ATG4A: variants seen among roughly 807,000 people sequenced by gnomAD.
The protein encoded by ATG4A is autophagy related 4A cysteine peptidase.
Under a neutral mutation model 38.4 loss-of-function variants are expected in ATG4A, and 22 were observed. That is an observed-to-expected ratio of 0.57 (90% confidence interval 0.41 to 0.82). ATG4A has a LOEUF of 0.82. Among genes scored for constraint, ATG4A ranks in the 40% least tolerant of loss-of-function variants. The probability of loss-of-function intolerance (pLI) is 0.00; values close to 1 mark genes in which losing one functional copy is unlikely to be tolerated. For synonymous variants in ATG4A, 86 were observed against 100.7 expected (o/e 0.85, Z 0.88); for missense variants, 220 against 290.0 (o/e 0.76, Z 1.75).
chrX:108,137,138 C>T lies in ATG4A; in HGVS notation c.515C>T (p.Ser172Leu). Reference sequence around the variant, plus strand: ...TGGAATTCCTTGGCTGTTTATGTTTCAATGGATAACACAGTGGTCATTGAA... The same window carrying T: ...TGGAATTCCTTGGCTGTTTATGTTTTAATGGATAACACAGTGGTCATTGAA... ...DEWNSLAVYV[S>L]MDNTVVIEDI... Residue 172 changes from serine (S) to leucine (L), a missense_variant, in exon 7 of 13, where the codon TCA becomes TTA. Physicochemically the swap from Ser to Leu is moderately radical, Grantham distance 145. Transcript: ENST00000372232. The T allele has an allele frequency of 8.3e-7, 1 of 1,207,669 alleles. No homozygotes were observed. The highest frequency in any genetic ancestry group is 1.1e-6 in the Non-Finnish European group (1 of 892,931).
chrX:108,138,234 G>C, intron 9 of ATG4A, 43 bp downstream of exon 9: 2 of 1,121,000 alleles, frequency 1.8e-6, no homozygotes, highest in Non-Finnish European at 2.5e-6. Context: ...TGGGCTAGGG[G>C]AGGGCGTGGG....
intron 1 of ATG4A, among the ~76,000 whole-genome samples, chrX:108,113,550 G>T (rs1049880226): frequency 9.0e-6 from 1 of 111,175 alleles, no homozygotes; most frequent in African/African-American, 3.3e-5. Flanking sequence ...GGGGACTATG[G>T]CACTATGCAT....
intron 1 of ATG4A, among the ~76,000 whole-genome samples, chrX:108,121,590 T>G (rs1203274394): frequency 9.0e-6 from 1 of 111,539 alleles, no homozygotes; most frequent in African/African-American, 3.3e-5. Flanking sequence ...CCCTTACCAC[T>G]TATATCTTAT....
upstream of ATG4A, among the ~76,000 whole-genome samples, chrX:108,089,787 G>A (rs1244285929): frequency 9.0e-6 from 1 of 110,853 alleles, no homozygotes; most frequent in African/African-American, 3.3e-5. Flanking sequence ...GAGGTGATAC[G>A]GCACCACTGC....
intron 9 of ATG4A, among the ~76,000 whole-genome samples, chrX:108,139,215 A>G (rs1039543018): frequency 8.9e-6 from 1 of 111,802 alleles, no homozygotes; most frequent in African/African-American, 3.3e-5. Flanking sequence ...TGGGATGGGA[A>G]CAGACACACG....
chrX:108,093,587 G>A (rs2147948645), intron 1 of ATG4A, among the ~76,000 whole-genome samples: 1 of 111,805 alleles, frequency 8.9e-6, no homozygotes, highest in South Asian at 3.8e-4. Context: ...ATACTTAAGG[G>A]TGGAGTTACT....
At position 108,103,996 on chromosome X, in the gene ATG4A, G is replaced by A. The variant is rs1212260361; in HGVS notation, c.10+12160G>A. On this transcript the variant is annotated intron_variant, in intron 1 of 12. Coordinates refer to ENST00000372232, the MANE Select transcript of ATG4A (RefSeq NM_052936.5). ...CGAGTAGCTGGGATTATAGGTGCCC[G>A]ACACCATGGCTGGCTAATTTCTGTA... Among the ~76,000 whole-genome samples the A allele has an allele frequency of 2.7e-5, 3 of 111,388 alleles. No homozygotes were observed. The East Asian group carries it at 8.5e-4, about 31-fold the overall frequency.
At position 108,153,637 on chromosome X, in the gene ATG4A, G is replaced by C. The variant is rs763236126; in HGVS notation, c.1127-5G>C. 8.3e-6 allele frequency: 10 copies of C among 1,198,061 alleles called. No individual in the cohort carries two copies. The South Asian group carries it at 1.8e-4, about 21-fold the overall frequency. On this transcript the variant is annotated splice_region_variant and splice_polypyrimidine_tract_variant and intron_variant, in intron 12 of 12. Coordinates refer to ENST00000372232, the MANE Select transcript of ATG4A (RefSeq NM_052936.5). ...TTCTTCTTTCTCATTTCCGTATTCTGATAGAATTCATTGACTCTACTGAGC... is the reference window on the plus strand; with the variant it reads ...TTCTTCTTTCTCATTTCCGTATTCTCATAGAATTCATTGACTCTACTGAGC...
chrX:108,125,814 G>C (rs1451200511), intron 1 of ATG4A, among the ~76,000 whole-genome samples: 1 of 112,090 alleles, frequency 8.9e-6, no homozygotes, highest in African/African-American at 3.2e-5. Context: ...ATGTTTTGAA[G>C]TAACTGTGGC....
At chrX:108,117,373 A>G (rs1213179213) in intron 1 of ATG4A, among the ~76,000 whole-genome samples, 1 of 111,745 alleles carries the variant, frequency 8.9e-6, no homozygotes, top group African/African-American at 3.3e-5. Context: ...TAAAGGAGGT[A>G]TAAATTAAGG....
intron 1 of ATG4A, among the ~76,000 whole-genome samples, chrX:108,113,248 C>T (rs1170616411): frequency 8.9e-6 from 1 of 111,849 alleles, no homozygotes; most frequent in Admixed American, 9.5e-5. Context: ...CAGCGCTCTC[C>T]AATTGGAGGT....
intron 4 of ATG4A, among the ~76,000 whole-genome samples, chrX:108,132,665 T>TGTCCA (rs1483777472): frequency 5.4e-5 from 6 of 111,050 alleles, no homozygotes; most frequent in Middle Eastern, 9.3e-3. Flanking sequence ...TCCAACTCCT[T>TGTCCA]GTCCAGTGAT....
intron 9 of ATG4A, among the ~76,000 whole-genome samples, chrX:108,148,869 C>T (rs1378730547): frequency 8.9e-6 from 1 of 112,050 alleles, no homozygotes; most frequent in African/African-American, 3.2e-5. Context: ...CTTAAACATG[C>T]ATTTGTAGGA....
At chrX:108,149,054 G>A (rs2033512755) in intron 9 of ATG4A, among the ~76,000 whole-genome samples, 1 of 112,743 alleles carries the variant, frequency 8.9e-6, no homozygotes, top group Non-Finnish European at 1.9e-5. Context: ...TGAATTAAGT[G>A]GTTTGTCCTT....
At chrX:108,089,787 G>C (rs1244285929), upstream of ATG4A, among the ~76,000 whole-genome samples, 1 of 110,853 alleles carries the variant, frequency 9.0e-6, no homozygotes, top group African/African-American at 3.3e-5. Context: ...GAGGTGATAC[G>C]GCACCACTGC....
intron 9 of ATG4A, among the ~76,000 whole-genome samples, chrX:108,147,264 A>G (rs2033447025): frequency 9.0e-6 from 1 of 111,644 alleles, no homozygotes; most frequent in South Asian, 3.8e-4. Flanking sequence ...AAGGCTGATG[A>G]CAGCATGGGC....
intron 4 of ATG4A, among the ~76,000 whole-genome samples, chrX:108,133,516 C>T (rs1167029783): frequency 2.7e-5 from 3 of 112,510 alleles, no homozygotes; most frequent in Non-Finnish European, 5.6e-5. Context: ...GGTGTAAAAA[C>T]GACAGCATGC....
upstream of ATG4A, chrX:108,091,524 G>A (rs748170259): frequency 8.3e-7 from 1 of 1,206,440 alleles, no homozygotes; most frequent in Non-Finnish European, 1.1e-6. Flanking sequence ...CCTCCATTTC[G>A]CTGTCCCAGC....
chrX:108,126,509 C>T (rs183998788), intron 2 of ATG4A, among the ~76,000 whole-genome samples: 101 of 111,921 alleles, frequency 9.0e-4, no homozygotes, highest in Non-Finnish European at 4.3e-4. Flanking sequence ...TCAAAAAACA[C>T]GGACCCACTC....
Sources: gnomAD v4.1 joint callset for allele counts (sites outside exome capture counted in the v4.1 genomes callset) on GRCh38, gnomAD v4.1.1 for gene constraint, MANE v1.5 for transcripts, NCBI Gene and HGNC (gene_info 2026-07-23, HGNC 2026-07-21) for gene names.